The following GALNT13 variants were observed in gnomAD, a reference collection of about 807,000 sequenced individuals.
GALNT13 encodes UDP-GalNAc:polypeptide N-acetylgalactosaminyltransferase 13.
A neutral mutation model predicts 64.2 loss-of-function variants in GALNT13; 28 were observed. The ratio of observed to expected loss-of-function variants is 0.44; its 90% CI spans 0.32 to 0.60. The LOEUF (loss-of-function observed/expected upper bound fraction) is 0.60. Ranked by LOEUF, GALNT13 falls within the 20% of genes least tolerant of loss-of-function variation. The pLI, the probability that GALNT13 is intolerant of heterozygous loss-of-function variation, is 0.05. For missense variants in GALNT13, 577 were observed against 669.8 expected (o/e 0.86, Z 1.53); for synonymous variants, 214 against 224.6 (o/e 0.95, Z 0.42).
intron 3 of GALNT13, among the ~76,000 whole-genome samples, chr2:154,020,963 T>C (rs919232890): frequency 2.0e-5 from 3 of 152,200 alleles, no homozygotes; most frequent in African/African-American, 7.2e-5. Flanking sequence ...AGGGAATCCT[T>C]TCCCCATTGC....
chr2:153,285,687 A>C, the GALNT13 span, among the ~76,000 whole-genome samples: 1 of 152,186 alleles, frequency 6.6e-6, no homozygotes, highest in Non-Finnish European at 1.5e-5. Flanking sequence ...ATATCATACT[A>C]AATGTCAAAA....
At chr2:154,133,011 C>T (rs1464269828) in intron 3 of GALNT13, among the ~76,000 whole-genome samples, 3 of 152,080 alleles carry the variant, frequency 2.0e-5, no homozygotes, top group South Asian at 2.1e-4. Flanking sequence ...GATTCACTTG[C>T]TTGTATAGAA....
chr2:153,601,239 A>G, the GALNT13 span, among the ~76,000 whole-genome samples: 1 of 151,564 alleles, frequency 6.6e-6, no homozygotes, highest in East Asian at 1.9e-4. Context: ...TTCTATTTTA[A>G]GCTCCTTAAT....
At chr2:153,224,975 A>G in the GALNT13 span, among the ~76,000 whole-genome samples, 1 of 152,262 alleles carries the variant, frequency 6.6e-6, no homozygotes, top group African/African-American at 2.4e-5. Context: ...AACTCATTCT[A>G]TGAGACCAGA....
intron 3 of GALNT13, among the ~76,000 whole-genome samples, chr2:154,051,386 G>T (rs925478910): frequency 4.7e-5 from 7 of 149,764 alleles, no homozygotes; most frequent in Non-Finnish European, 1.0e-4. Context: ...CGCTTCCCGG[G>T]TTCACGCCAT....
the GALNT13 span, among the ~76,000 whole-genome samples, chr2:153,592,064 TTA>T: frequency 1.7e-4 from 26 of 149,414 alleles, no homozygotes; most frequent in South Asian, 4.2e-4. Context: ...GGTTAACAGA[TTA>T]TATATATATA....
At chr2:153,876,631 A>G (rs1226086045) in intron 1 of GALNT13, among the ~76,000 whole-genome samples, 3 of 152,150 alleles carry the variant, frequency 2.0e-5, no homozygotes, top group African/African-American at 2.4e-5. Flanking sequence ...TAGTGTATCT[A>G]TTATAATACA....
In GALNT13 at chr2:153,888,042, T is replaced by C. The variant is rs141003444; in HGVS notation, c.-176-12894T>C. Among the ~76,000 whole-genome samples the C allele has an allele frequency of 6.4e-3, 979 of 152,202 alleles. 8 individuals are homozygous for C. Among genetic ancestry groups the C allele is most frequent in the African/African-American group, 0.022 (906 of 41,550 alleles). Reference sequence around the variant, plus strand: ...AGAAAGCATAATTTGAAATAACAAATTGTAATTGATTTCCCATTTAGAAAT... The same window carrying C: ...AGAAAGCATAATTTGAAATAACAAACTGTAATTGATTTCCCATTTAGAAAT... On this transcript the variant is annotated intron_variant, in intron 1 of 12. Coordinates refer to ENST00000392825, the MANE Select transcript of GALNT13 (RefSeq NM_052917.4).
At chr2:153,731,102 G>C in the GALNT13 span, among the ~76,000 whole-genome samples, 1 of 151,646 alleles carries the variant, frequency 6.6e-6, no homozygotes, top group East Asian at 1.9e-4. Context: ...ATATGTTTGT[G>C]TGTGTGTGAA....
chr2:153,158,010 A>T, the GALNT13 span, among the ~76,000 whole-genome samples: 1 of 152,202 alleles, frequency 6.6e-6, no homozygotes, highest in South Asian at 2.1e-4. Flanking sequence ...AAAAAAAATA[A>T]GAAAAATACC....
At chr2:153,843,795 G>A in the GALNT13 span, among the ~76,000 whole-genome samples, 1 of 152,280 alleles carries the variant, frequency 6.6e-6, no homozygotes, top group Admixed American at 6.5e-5. Flanking sequence ...GAAGAGAAGG[G>A]TTACAGGCCC....
At chr2:153,678,203 A>G in the GALNT13 span, among the ~76,000 whole-genome samples, 1 of 151,024 alleles carries the variant, frequency 6.6e-6, no homozygotes, top group Non-Finnish European at 1.5e-5. Context: ...AATATAAATG[A>G]TTCTGCCATA....
intron 3 of GALNT13, among the ~76,000 whole-genome samples, chr2:154,030,153 T>C (rs1698247753): frequency 8.1e-6 from 1 of 123,468 alleles, no homozygotes; most frequent in African/African-American, 2.5e-5. Context: ...TTAAGGAGGA[T>C]TTAATGAGAA....
At chr2:153,355,690 G>A in the GALNT13 span, among the ~76,000 whole-genome samples, 1 of 151,938 alleles carries the variant, frequency 6.6e-6, no homozygotes, top group Non-Finnish European at 1.5e-5. Context: ...CTTAACTCTC[G>A]GCCCTGGGTG....
the GALNT13 span, among the ~76,000 whole-genome samples, chr2:153,763,627 T>G: frequency 2.6e-5 from 4 of 152,160 alleles, no homozygotes; most frequent in Non-Finnish European, 5.9e-5. Context: ...TCTCTTTCCT[T>G]TATAAATTAC....
At chr2:154,159,158 A>G (rs1180923054) in intron 4 of GALNT13, among the ~76,000 whole-genome samples, 2 of 151,308 alleles carry the variant, frequency 1.3e-5, no homozygotes, top group African/African-American at 4.9e-5. Flanking sequence ...TATTTCTGAG[A>G]CAGCCTCACT....
chr2:154,301,453 T>G lies in GALNT13; in HGVS notation c.1020T>G (p.His340Gln). Reference protein sequence around the residue: ...GGSLEIVTCSHVGHVFRKATP... With the variant: ...GGSLEIVTCSQVGHVFRKATP... ...CCTTGGAGATTGTTACTTGCTCCCA[T>G]GTTGGTCATGTTTTTCGGAAGGCAA... is the stretch of plus-strand genomic sequence containing the variant. Residue 340 changes from histidine (H) to glutamine (Q), a missense_variant, in exon 9 of 13, where the codon CAT (histidine) becomes CAG (glutamine). By Grantham distance (24) the His-to-Gln change is conservative. This residue lies in a region of GALNT13 where 232 missense variants were observed against 270.6 expected (regional missense o/e 0.86). Coordinates refer to ENST00000392825, the MANE Select transcript of GALNT13 (RefSeq NM_052917.4). The G allele has an allele frequency of 6.2e-7, 1 of 1,613,854 alleles. No individual in the cohort carries two copies. The highest frequency in any genetic ancestry group is 8.5e-7 in the Non-Finnish European group (1 of 1,179,788).
At chr2:153,656,814 T>C in the GALNT13 span, among the ~76,000 whole-genome samples, 2 of 152,182 alleles carry the variant, frequency 1.3e-5, no homozygotes, top group African/African-American at 4.8e-5. Flanking sequence ...TGGTTTGGAC[T>C]TCCTTGAGAA....
rs545813342 is a variant in GALNT13 at position 154,073,873 on chromosome 2, C to G, written c.143-66464C>G. On this transcript the variant is annotated intron_variant, in intron 3 of 12. Coordinates refer to ENST00000392825, the MANE Select transcript of GALNT13 (RefSeq NM_052917.4). Reference sequence around the variant, plus strand: ...GTGAAACAAAATAACATAACAAAAACAACATACTATAGCAAATTGAATTCA... The same window carrying G: ...GTGAAACAAAATAACATAACAAAAAGAACATACTATAGCAAATTGAATTCA... 5.9e-5 allele frequency among the ~76,000 whole-genome samples: 9 copies of G among 151,850 alleles called. No homozygotes were observed. In the South Asian group the frequency reaches 1.9e-3, roughly 32 times the overall value.
Sources: allele counts gnomAD v4.1 joint callset (sites outside exome capture counted in the v4.1 genomes callset), GRCh38; gene constraint gnomAD v4.1.1; regional missense constraint gnomAD v4.1.1; transcripts MANE v1.5; gene names NCBI Gene and HGNC (gene_info 2026-07-23, HGNC 2026-07-21).